The following ZNF182 variants were observed in gnomAD, a reference collection of about 807,000 sequenced individuals.
The protein encoded by ZNF182 is zinc finger protein 21 (KOX 14).
In ZNF182, 10 loss-of-function variants were observed where a neutral mutation model predicts 28.1. The ratio of observed to expected loss-of-function variants is 0.36; its 90% confidence interval spans 0.22 to 0.60. ZNF182 has a LOEUF of 0.60. ZNF182 is among the 20% of genes least tolerant of loss of function. The pLI is 0.75. For missense variants in ZNF182, 352 were observed against 453.2 expected (o/e 0.78, Z 2.03); for synonymous variants, 156 against 158.7 (o/e 0.98, Z 0.13).
chrX:47,989,694 T>A (rs183720024), intron 3 of ZNF182, among the ~76,000 whole-genome samples: 2 of 111,804 alleles, frequency 1.8e-5, no homozygotes, highest in South Asian at 3.7e-4. Context: ...ACTTTCTGAG[T>A]GTGTTCAGTG....
chrX:47,999,607 C>T (rs781863296), intron 3 of ZNF182, among the ~76,000 whole-genome samples: 1 of 111,128 alleles, frequency 9.0e-6, no homozygotes, highest in African/African-American at 3.3e-5. Context: ...TACAGAAGTA[C>T]AGCTGGATAG....
Position 47,976,507 on chromosome X carries a change from G to T in ZNF182, c.1523C>A (p.Ser508Ter). Residue 508 changes from serine to a stop codon, truncating the protein, a stop_gained, in exon 6 of 6, where the codon TCA becomes TAA. Coordinates refer to ENST00000376943, the MANE Select transcript of ZNF182 (RefSeq NM_001007088.2). LOFTEE classifies it high-confidence loss of function. ...NECGKAFREKSKLIIHQRIHT... is the reference protein window; with the variant it reads ...NECGKAFREK ...AATTCTCTGATGTATAATGAGCTTTGACTTTTCTCTGAAGGCTTTGCCACA... is the reference window on the plus strand; with the variant it reads ...AATTCTCTGATGTATAATGAGCTTTTACTTTTCTCTGAAGGCTTTGCCACA... 1.7e-6 allele frequency: 2 copies of T among 1,209,247 alleles called. No individual in the cohort carries two copies. Among genetic ancestry groups the T allele is most frequent in the South Asian group, 3.6e-5 (2 of 56,303 alleles).
chrX:47,996,074 T>C (rs1455744828), intron 3 of ZNF182, among the ~76,000 whole-genome samples: 1 of 112,492 alleles, frequency 8.9e-6, no homozygotes, highest in Non-Finnish European at 1.9e-5. Context: ...AGGAAGAACA[T>C]CAAAGTGGTA....
At chrX:47,996,737 A>C (rs2058959600) in intron 3 of ZNF182, among the ~76,000 whole-genome samples, 1 of 111,895 alleles carries the variant, frequency 8.9e-6, no homozygotes, top group Non-Finnish European at 1.9e-5. Flanking sequence ...TGAGGTCATA[A>C]GGGTGGGGCC....
chrX:47,999,996 T>C (rs56321871), intron 3 of ZNF182, among the ~76,000 whole-genome samples: 3,458 of 109,120 alleles, frequency 0.032, 85 homozygotes, highest in African/African-American at 0.073. Context: ...ATTAGCCAGG[T>C]GTGGTGGCAC....
Position 47,976,398 on chromosome X carries a change from C to T in ZNF182, c.1632G>A (p.Thr544=), listed in dbSNP as rs146981847. The change falls in exon 6 of 6, where the codon ACG becomes ACA. Residue 544 remains threonine, a synonymous_variant. Coordinates refer to ENST00000376943, the MANE Select transcript of ZNF182 (RefSeq NM_001007088.2). ...QKSQLIIHQR[T]HTGEKPYACT... ...ATGCATAGGGTTTCTCTCCCGTGTG[C>T]GTTCTCTGATGTATTATGAGCTGTG... 1.2e-5 allele frequency: 14 copies of T among 1,207,595 alleles called. No homozygotes were observed. The highest frequency in any genetic ancestry group is 2.3e-4 in the Middle Eastern group (1 of 4,361).
At chrX:47,987,000 C>T (rs1358050465) in intron 3 of ZNF182, among the ~76,000 whole-genome samples, 1 of 111,943 alleles carries the variant, frequency 8.9e-6, no homozygotes, top group African/African-American at 3.2e-5. Flanking sequence ...TTCCTTGCTC[C>T]TCAGCTTGCA....
chrX:47,980,941 C>T (rs73491288), intron 5 of ZNF182, among the ~76,000 whole-genome samples: 3,520 of 111,502 alleles, frequency 0.032, 85 homozygotes, highest in African/African-American at 0.073. Flanking sequence ...CTCAATGGCA[C>T]CAAAATGATT....
chrX:47,982,418 C>T (rs1556899233), intron 5 of ZNF182, among the ~76,000 whole-genome samples: 1 of 112,048 alleles, frequency 8.9e-6, no homozygotes, highest in East Asian at 2.8e-4. Context: ...TGTGAATATA[C>T]TAAAAACTAC....
chrX:47,976,138 G>A lies in ZNF182; in HGVS notation c.*29C>T. 9.1e-7 allele frequency: 1 copy of A among 1,094,797 alleles called. No individual in the cohort carries two copies. Among genetic ancestry groups the A allele is most frequent in the Non-Finnish European group, 1.2e-6 (1 of 834,230 alleles). 90.2% of individuals were successfully genotyped at this position (1,094,797 alleles called of 1,213,427 possible). ...AAAATTGACACAACTTTCTTTCAGTGTCCATAATAGATACTGCTGATTAGC... is the reference window on the plus strand; with the variant it reads ...AAAATTGACACAACTTTCTTTCAGTATCCATAATAGATACTGCTGATTAGC... On this transcript the variant is annotated 3_prime_UTR_variant, in exon 6 of 6. Transcript: ENST00000376943.
chrX:47,979,672 TCAC>T (rs1293886408), intron 5 of ZNF182, among the ~76,000 whole-genome samples: 3 of 111,417 alleles, frequency 2.7e-5, no homozygotes, highest in East Asian at 2.8e-4. Flanking sequence ...CTTTTAAGAA[TCAC>T]CACATTACTG....
chrX:47,980,544 T>G lies in ZNF182; in HGVS notation c.232+2405A>C, dbSNP rs1469872924. On this transcript the variant is annotated intron_variant, in intron 5 of 5. Coordinates refer to ENST00000376943, the MANE Select transcript of ZNF182 (RefSeq NM_001007088.2). ...CACACTGTATATATGTATCAAAACA[T>G]CACACCATACTCCATAAATATGTAC... Among the ~76,000 whole-genome samples the G allele has an allele frequency of 5.4e-5, 6 of 112,038 alleles. 1 individual carries two copies. In the East Asian group the frequency reaches 1.7e-3, roughly 31 times the overall value.
In ZNF182 at chrX:47,977,368, C is replaced by G; in HGVS notation, c.662G>C (p.Arg221Thr). ...GEKPFECTAC[R>T]KTFSKKSHLI... Reference sequence around the variant, plus strand: ...GTGTGACTTCTTGCTGAAGGTTTTCCTACATGCAGTACATTCAAAGGGTTT... The same window carrying G: ...GTGTGACTTCTTGCTGAAGGTTTTCGTACATGCAGTACATTCAAAGGGTTT... Residue 221 changes from arginine to threonine, a missense_variant, in exon 6 of 6, where the codon AGG becomes ACG. Transcript: ENST00000376943. The G allele has an allele frequency of 8.3e-7, 1 of 1,206,966 alleles. No individual in the cohort carries two copies. Among genetic ancestry groups the G allele is most frequent in the Non-Finnish European group, 1.1e-6 (1 of 893,769 alleles).
chrX:48,000,341 C>T (rs782476087), intron 3 of ZNF182, among the ~76,000 whole-genome samples: 6 of 110,363 alleles, frequency 5.4e-5, no homozygotes, highest in African/African-American at 2.0e-4. Flanking sequence ...GTGGGCGGAT[C>T]ACCTGAGGTC....
intron 3 of ZNF182, among the ~76,000 whole-genome samples, chrX:47,990,460 C>A (rs781856870): frequency 5.4e-5 from 6 of 111,078 alleles, no homozygotes; most frequent in Non-Finnish European, 7.5e-5. Context: ...AAACTGTCAC[C>A]CCCAAAATAA....
Position 47,976,580 on chromosome X carries a change from T to C in ZNF182, c.1450A>G (p.Ile484Val), listed in dbSNP as rs2058884880. The change falls in exon 6 of 6, where the codon ATA becomes GTA. Residue 484 changes from isoleucine to valine, a missense_variant. Ile to Val is a conservative substitution (Grantham distance 29). Transcript: ENST00000376943. ...TCTTCTGTATGAGTTCTTTGATGTA[T>C]AATGAGATATGATTTCTGTGAAAAT... is the stretch of plus-strand genomic sequence containing the variant. ...KAFSQKSYLI[I>V]HQRTHTEEKP... is the part of the protein sequence containing the mutation. The C allele has an allele frequency of 8.3e-7, 1 of 1,208,687 alleles. No individual in the cohort carries two copies. The highest frequency in any genetic ancestry group is 1.7e-5 in the African/African-American group (1 of 57,223).
At chrX:47,988,551 GT>G in intron 3 of ZNF182, 1 of 503,403 alleles carries the variant, frequency 2.0e-6, no homozygotes. Flanking sequence ...TCTGCCATGA[GT>G]AGAAGCTTCC....
rs58581404 is a variant in ZNF182, at chrX:47,992,411, G to T, written c.16-9000C>A. On this transcript the variant is annotated intron_variant, in intron 3 of 5. Coordinates refer to ENST00000376943, the MANE Select transcript of ZNF182 (RefSeq NM_001007088.2). ...ACCTACTGGTGACCACCTCCCTAGG[G>T]GACAGCTAGACACAACCCACTTGAC... Among the ~76,000 whole-genome samples, 336 of 110,351 alleles carry T rather than the reference G, an allele frequency of 3.0e-3. 8 individuals carry two copies. The East Asian group carries it at 0.053, about 17-fold the overall frequency.
chrX:47,984,327 C>G (rs939179510), intron 3 of ZNF182, among the ~76,000 whole-genome samples: 1 of 111,660 alleles, frequency 9.0e-6, no homozygotes, highest in Admixed American at 9.5e-5. Context: ...GGAATATAAA[C>G]TGGTATAATC....
Sources: allele counts gnomAD v4.1 joint callset (sites outside exome capture counted in the v4.1 genomes callset), GRCh38; gene constraint gnomAD v4.1.1; transcripts MANE v1.5; gene names NCBI Gene and HGNC (gene_info 2026-07-23, HGNC 2026-07-21).